OTOP1: variants seen among roughly 807,000 people sequenced by gnomAD.
OTOP1 encodes otopetrin 1, also known as proton channel OTOP1.
Under a neutral mutation model 52.9 loss-of-function variants are expected in OTOP1, and 59 were observed. The observed-to-expected ratio is 1.12, with a 90% CI of 0.91 to 1.39. OTOP1 has a LOEUF of 1.39. Ranked by LOEUF, OTOP1 falls within the 40% of genes most tolerant of loss-of-function variation. OTOP1 has a pLI of 0.00. For missense variants in OTOP1, 761 were observed against 800.9 expected (o/e 0.95, Z 0.60); for synonymous variants, 317 against 337.7 (o/e 0.94, Z 0.67).
Position 4,188,837 on chromosome 4 carries a change from G to A in OTOP1, c.1805C>T (p.Ala602Val). 1.2e-6 allele frequency: 2 copies of A among 1,613,844 alleles called. No individual in the cohort carries two copies. The highest frequency in any genetic ancestry group is 1.7e-6 in the Non-Finnish European group (2 of 1,179,800). ...ACAATAGACCTCAAAGAGGGAGGCA[G>A]CTGCGTGCATTCGATAGAAAATAGA... ...PFSIFYRMHAAASLFEVYCKI is the reference protein window; with the variant it reads ...PFSIFYRMHAVASLFEVYCKI Residue 602 changes from alanine (A) to valine (V), a missense_variant, in exon 6 of 6, where the codon GCT becomes GTT. By Grantham distance (64) the Ala-to-Val change is moderately conservative (BLOSUM62 0). This residue lies in a region of OTOP1 where 632 missense variants were observed against 619.5 expected (regional missense o/e 1.02). Coordinates refer to ENST00000296358, the MANE Select transcript of OTOP1 (RefSeq NM_177998.3).
At chr4:4,215,464 G>A (rs796635274) in intron 1 of OTOP1, among the ~76,000 whole-genome samples, 2 of 152,026 alleles carry the variant, frequency 1.3e-5, no homozygotes, top group Non-Finnish European at 2.9e-5. Flanking sequence ...GAGTTCGAGA[G>A]CAGCCTGACC....
intron 1 of OTOP1, among the ~76,000 whole-genome samples, chr4:4,219,498 G>A (rs192337071): frequency 1.2e-3 from 185 of 151,924 alleles, no homozygotes; most frequent in South Asian, 0.011. Flanking sequence ...TCGGGAGATC[G>A]AGACCATCCT....
chr4:4,216,660 G>T (rs1717158656), intron 1 of OTOP1, among the ~76,000 whole-genome samples: 2 of 152,312 alleles, frequency 1.3e-5, no homozygotes, highest in Admixed American at 6.5e-5. Context: ...TTGTAAGAGT[G>T]GAGATTCGAT....
intron 3 of OTOP1, among the ~76,000 whole-genome samples, chr4:4,205,516 A>C (rs1216873396): frequency 6.6e-6 from 1 of 152,200 alleles, no homozygotes; most frequent in Non-Finnish European, 1.5e-5. Flanking sequence ...AGGCCAGCAG[A>C]GATAAGAAAA....
At chr4:4,214,882 G>A (rs896169638) in intron 1 of OTOP1, among the ~76,000 whole-genome samples, 1 of 152,184 alleles carries the variant, frequency 6.6e-6, no homozygotes, top group African/African-American at 2.4e-5. Flanking sequence ...TTGCACAAAA[G>A]TGTATATGTT....
intron 3 of OTOP1, among the ~76,000 whole-genome samples, chr4:4,204,817 G>A (rs368511898): frequency 2.6e-5 from 4 of 151,734 alleles, no homozygotes; most frequent in African/African-American, 4.8e-5. Flanking sequence ...TGTTGCCCAC[G>A]CTGGAGTGCA....
rs757386224 is a variant in OTOP1 at position 4,197,734 on chromosome 4, G to A, written c.1100C>T (p.Ala367Val). Residue 367 changes from alanine (A) to valine (V), a missense_variant, in exon 5 of 6, where the codon GCT becomes GTT. Around this residue, in one of 3 missense-constraint regions of OTOP1, gnomAD observed 632 missense variants for 619.5 expected, o/e 1.02. Transcript: ENST00000296358. Reference sequence around the variant, plus strand: ...GTCTATCCTGTAAATCCGGATTCCAGCCAGCCCCGCAGCCCCCATAAGCAT... The same window carrying A: ...GTCTATCCTGTAAATCCGGATTCCAACCAGCCCCGCAGCCCCCATAAGCAT... ...LLMLMGAAGL[A>V]GIRIYRIDEK... 5 of 1,613,788 alleles carry A rather than the reference G, an allele frequency of 3.1e-6. No individual in the cohort carries two copies. The African/African-American group carries it at 4.0e-5, about 13-fold the overall frequency.
At chr4:4,213,198 AC>A (rs1176616138) in intron 1 of OTOP1, among the ~76,000 whole-genome samples, 194 bp from the exon 2 acceptor site, 2 of 152,260 alleles carry the variant, frequency 1.3e-5, no homozygotes, top group East Asian at 3.8e-4. Flanking sequence ...CTGGATGTCC[AC>A]ATGCAAACGA....
rs143410444 is a variant in OTOP1 at position 4,209,170 on chromosome 4, G to A, written c.541-3040C>T. 5.9e-3 allele frequency among the ~76,000 whole-genome samples: 905 copies of A among 152,298 alleles called. 6 individuals are homozygous for A. Among genetic ancestry groups the A allele is most frequent in the South Asian group, 0.026 (124 of 4,826 alleles). On this transcript the variant is annotated intron_variant, in intron 2 of 5. Coordinates refer to ENST00000296358, the MANE Select transcript of OTOP1 (RefSeq NM_177998.3). Reference sequence around the variant, plus strand: ...AAACACTTTGTATCTCAGACACGTAGGCAGGAGTCCCCTCTCCTTGGTGCT... The same window carrying A: ...AAACACTTTGTATCTCAGACACGTAAGCAGGAGTCCCCTCTCCTTGGTGCT...
chr4:4,189,039 C>G, intron 5 of OTOP1, 66 bp from the exon 6 acceptor site: 3 of 1,496,444 alleles, frequency 2.0e-6, no homozygotes, highest in Non-Finnish European at 2.8e-6. Context: ...AGGCCCCACT[C>G]AAGTCCCAGG....
At chr4:4,219,846 C>T (rs939884201) in intron 1 of OTOP1, among the ~76,000 whole-genome samples, 4 of 119,462 alleles carry the variant, frequency 3.3e-5, no homozygotes, top group Admixed American at 8.1e-5. Flanking sequence ...CATATATATA[C>T]ACATATACAT....
chr4:4,192,951 T>C (rs11734561), intron 5 of OTOP1, among the ~76,000 whole-genome samples: 23,295 of 152,130 alleles, frequency 0.15, 2,332 homozygotes, highest in Non-Finnish European at 0.23. Flanking sequence ...AACCTGGAAA[T>C]GGATGGTGTG....
Position 4,188,935 on chromosome 4 carries a change from A to C in OTOP1, c.1707T>G (p.Tyr569Ter), listed in dbSNP as rs1297204956. ...IPPAFGCRPE[Y>*]DNGLEEIVFG... ...AGACAATCTCCTCCAATCCATTGTC[A>C]TACTCAGGTCGACAGCCAAAGGCGG... Residue 569 changes from tyrosine to a stop codon, truncating the protein, a stop_gained, in exon 6 of 6, where the codon TAT (tyrosine) becomes TAG (stop). Coordinates refer to ENST00000296358, the MANE Select transcript of OTOP1 (RefSeq NM_177998.3). LOFTEE classifies it high-confidence loss of function. 1 of 1,613,750 alleles carries C rather than the reference A, an allele frequency of 6.2e-7. No homozygotes were observed. Among genetic ancestry groups the C allele is most frequent in the Admixed American group, 1.7e-5 (1 of 59,976 alleles).
intron 5 of OTOP1, among the ~76,000 whole-genome samples, chr4:4,193,078 G>A (rs773803676): frequency 3.9e-5 from 6 of 152,144 alleles, no homozygotes; most frequent in Non-Finnish European, 8.8e-5. Flanking sequence ...ATAAGCATGT[G>A]TCAGATCCCG....
chr4:4,222,041 T>C (rs1717312013), intron 1 of OTOP1, among the ~76,000 whole-genome samples: 1 of 152,118 alleles, frequency 6.6e-6, no homozygotes, highest in Non-Finnish European at 1.5e-5. Flanking sequence ...CATCCATCCA[T>C]CCAATCATTC....
intron 2 of OTOP1, among the ~76,000 whole-genome samples, chr4:4,210,440 G>C (rs1210767012): frequency 2.6e-5 from 4 of 152,132 alleles, no homozygotes; most frequent in African/African-American, 9.7e-5. Context: ...GGTTCCTTTT[G>C]AGGCCTCTCT....
intron 1 of OTOP1, among the ~76,000 whole-genome samples, chr4:4,220,789 G>A (rs1367583857): frequency 6.6e-6 from 1 of 152,120 alleles, no homozygotes; most frequent in African/African-American, 2.4e-5. Context: ...TGATGGCAGA[G>A]GGAACCCCCT....
intron 4 of OTOP1, among the ~76,000 whole-genome samples, chr4:4,199,883 G>C (rs2108798367): frequency 6.6e-6 from 1 of 152,232 alleles, no homozygotes. Context: ...GACTAGAATA[G>C]GACAGAATGG....
chr4:4,221,300 G>A (rs543489335), intron 1 of OTOP1, among the ~76,000 whole-genome samples: 2 of 152,022 alleles, frequency 1.3e-5, no homozygotes, highest in Non-Finnish European at 2.9e-5. Context: ...GCACACACCT[G>A]TAGTCCCAGC....
Sources: allele counts gnomAD v4.1 joint callset (sites outside exome capture counted in the v4.1 genomes callset), GRCh38; gene constraint gnomAD v4.1.1; regional missense constraint gnomAD v4.1.1; transcripts MANE v1.5; gene names NCBI Gene and HGNC (gene_info 2026-07-23, HGNC 2026-07-21).